PPFIA1: variants seen among roughly 807,000 people sequenced by gnomAD.
The protein encoded by PPFIA1 is liprin-alpha-1.
In PPFIA1, 25 loss-of-function variants were observed where a neutral mutation model predicts 149.9. That is an observed-to-expected ratio of 0.17 (90% CI 0.12 to 0.23). The LOEUF (loss-of-function observed/expected upper bound fraction) is 0.23. Among genes scored for constraint, PPFIA1 ranks in the 10% least tolerant of loss-of-function variants. The pLI is 1.00. For missense variants in PPFIA1, 1,362 were observed against 1,506.5 expected, an observed-to-expected ratio of 0.90 and a Z score of 1.59; for synonymous variants, 549 against 552.8, an observed-to-expected ratio of 0.99 and a Z score of 0.10.
At chr11:70,314,542 A>G (rs2053479928) in intron 2 of PPFIA1, among the ~76,000 whole-genome samples, 2 of 152,234 alleles carry the variant, frequency 1.3e-5, no homozygotes, top group South Asian at 2.1e-4. Context: ...TCCAACTCTC[A>G]TTCCCAACTG....
At chr11:70,340,321 C>T (rs949047782) in intron 14 of PPFIA1, among the ~76,000 whole-genome samples, 13 of 152,076 alleles carry the variant, frequency 8.5e-5, no homozygotes, top group African/African-American at 2.9e-4. Context: ...TCCCTGCAGT[C>T]CCAGCTATTC....
At position 70,322,018 on chromosome 11, in the gene PPFIA1, C is replaced by T. The variant is rs975953238; in HGVS notation, c.265-2384C>T. On this transcript the variant is annotated intron_variant, in intron 2 of 27. Coordinates refer to ENST00000253925, the MANE Select transcript of PPFIA1 (RefSeq NM_003626.5). ...CTGAGTAGCTGGGATTACAGGCATG[C>T]ACCACCATGCACCACCATGTCCAGC... Among the ~76,000 whole-genome samples the T allele has an allele frequency of 7.3e-4, 111 of 152,212 alleles. 2 individuals are homozygous for T. Among genetic ancestry groups the T allele is most frequent in the African/African-American group, 2.3e-3 (95 of 41,550 alleles).
intron 2 of PPFIA1, among the ~76,000 whole-genome samples, chr11:70,287,278 A>G (rs2051211350): frequency 2.0e-5 from 3 of 152,114 alleles, no homozygotes; most frequent in South Asian, 2.1e-4. Context: ...CTGCTCTCCC[A>G]GTTGTGGATA....
At position 70,332,019 on chromosome 11, in the gene PPFIA1, A is replaced by G. The variant is rs749147605; in HGVS notation, c.1137A>G (p.Gln379=). Residue 379 remains glutamine, a synonymous_variant, in exon 9 of 28, where the codon CAA becomes CAG. Transcript: ENST00000253925. ...ERLELAEQKL[Q]QTLRKAETLP... ...TGGAATTGGCAGAGCAAAAGCTGCA[A>G]CAGACACTGAGGAAGGCAGAGACGC... The G allele has an allele frequency of 7.4e-6, 12 of 1,613,250 alleles. No individual in the cohort carries two copies. Among genetic ancestry groups the G allele is most frequent in the South Asian group, 5.5e-5 (5 of 91,010 alleles).
At chr11:70,378,385 G>C in intron 26 of PPFIA1, 190 bp downstream of exon 26, 2 of 1,290,698 alleles carry the variant, frequency 1.5e-6, no homozygotes, top group Non-Finnish European at 2.0e-6. Context: ...CATAATAATA[G>C]AATTTTTAAA....
chr11:70,297,136 G>A (rs905202923), intron 2 of PPFIA1, among the ~76,000 whole-genome samples: 4 of 152,156 alleles, frequency 2.6e-5, no homozygotes, highest in African/African-American at 4.8e-5. Flanking sequence ...GGCCGGGCAC[G>A]GTGGCTCACG....
At chr11:70,367,363 C>T (rs889034665) in intron 21 of PPFIA1, 14 of 361,280 alleles carry the variant, frequency 3.9e-5, no homozygotes, top group East Asian at 2.9e-4. Context: ...GACATCAAGG[C>T]GTGGTCAAAA....
At chr11:70,324,618 CT>C in intron 3 of PPFIA1, 115 bp downstream of exon 3, 2 of 969,112 alleles carry the variant, frequency 2.1e-6, no homozygotes, top group Non-Finnish European at 3.2e-6. Flanking sequence ...CTTTTCATAC[CT>C]TTTCCCACTG....
chr11:70,350,158 G>A (rs2137257879), intron 16 of PPFIA1: 1 of 325,058 alleles, frequency 3.1e-6, no homozygotes, highest in Non-Finnish European at 5.9e-6. Context: ...ATTTAAATTA[G>A]TGTATTACTA....
At chr11:70,377,407 G>T (rs12284067) in intron 25 of PPFIA1, among the ~76,000 whole-genome samples, 6,249 of 152,206 alleles carry the variant, frequency 0.041, 469 homozygotes, top group African/African-American at 0.14. Context: ...TGGACCTTAA[G>T]AAAAGTTGAG....
At chr11:70,321,235 TC>T (rs2053922567) in intron 2 of PPFIA1, 1 of 152,350 alleles carries the variant, frequency 6.6e-6, no homozygotes, top group South Asian at 2.1e-4. Flanking sequence ...AGACACCAAA[TC>T]TGCTGATGTC....
chr11:70,294,974 A>G (rs1591088228), intron 2 of PPFIA1, among the ~76,000 whole-genome samples: 1 of 152,160 alleles, frequency 6.6e-6, no homozygotes, highest in Admixed American at 6.5e-5. Flanking sequence ...AGACATGGCA[A>G]CCATCCGATT....
intron 24 of PPFIA1, among the ~76,000 whole-genome samples, chr11:70,375,801 GAAA>G (rs112607936): frequency 0.044 from 5,404 of 122,048 alleles, 365 homozygotes; most frequent in African/African-American, 0.15. Flanking sequence ...AAAGAAAAAG[GAAA>G]AAAAAAAAAA....
intron 2 of PPFIA1, among the ~76,000 whole-genome samples, chr11:70,286,254 T>G (rs182636486): frequency 3.9e-4 from 60 of 152,230 alleles, no homozygotes; most frequent in Non-Finnish European, 7.6e-4. Context: ...GGTGGCTATG[T>G]CTCTTCTTTT....
intron 2 of PPFIA1, among the ~76,000 whole-genome samples, chr11:70,273,400 T>C (rs2050207284): frequency 6.6e-6 from 1 of 152,198 alleles, no homozygotes; most frequent in South Asian, 2.1e-4. Flanking sequence ...AAGTAAAAAC[T>C]AGAAGAGTGT....
chr11:70,378,232 G>T, intron 26 of PPFIA1, 37 bp downstream of exon 26: 1 of 1,589,604 alleles, frequency 6.3e-7, no homozygotes, highest in Non-Finnish European at 8.6e-7. Flanking sequence ...CACTTGTTGG[G>T]AGCATGAGCA....
At chr11:70,300,523 C>T (rs2052416040) in intron 2 of PPFIA1, among the ~76,000 whole-genome samples, 1 of 151,050 alleles carries the variant, frequency 6.6e-6, no homozygotes, top group Non-Finnish European at 1.5e-5. Context: ...CATGTGCCAC[C>T]ATGCCCACCT....
chr11:70,376,928 C>T (rs1034706296), intron 25 of PPFIA1, among the ~76,000 whole-genome samples: 2 of 152,028 alleles, frequency 1.3e-5, no homozygotes, highest in Non-Finnish European at 2.9e-5. Flanking sequence ...CAAAAATTAG[C>T]CGGGCGTTGT....
At chr11:70,332,137 G>GA (rs769570871) in intron 9 of PPFIA1, 43 bp downstream of exon 9, 1 of 1,544,762 alleles carries the variant, frequency 6.5e-7, no homozygotes, top group Non-Finnish European at 8.7e-7. Context: ...CCAGGCCTGT[G>GA]ACTGTGCCTT....
Sources: allele counts gnomAD v4.1 joint callset (sites outside exome capture counted in the v4.1 genomes callset), GRCh38; gene constraint gnomAD v4.1.1; transcripts MANE v1.5; gene names NCBI Gene and HGNC (gene_info 2026-07-23, HGNC 2026-07-21).